Variants in PADI2 observed in about 807,000 individuals in gnomAD.
PADI2 encodes the protein protein-arginine deiminase type-2.
A neutral mutation model predicts 81.1 loss-of-function variants in PADI2; 70 were observed. That is an observed-to-expected ratio of 0.86 (90% CI 0.71 to 1.05). PADI2 has a LOEUF of 1.05. PADI2 is among the 50% of genes least tolerant of loss of function. The pLI, the probability that PADI2 is intolerant of heterozygous loss-of-function variation, is 0.00. For synonymous variants in PADI2, 338 were observed against 358.0 expected, an observed-to-expected ratio of 0.94 and a Z score of 0.63; for missense variants, 853 against 889.9, an observed-to-expected ratio of 0.96 and a Z score of 0.53.
rs1389487434 is a variant in PADI2, at chr1:17,092,447, T to C, written c.616A>G (p.Met206Val). 6.2e-7 allele frequency: 1 copy of C among 1,606,682 alleles called. No homozygotes were observed. Among genetic ancestry groups the C allele is most frequent in the Non-Finnish European group, 8.5e-7 (1 of 1,177,144 alleles). ...AGYEIVLYIS[M>V]SDSDKVGVFY... ...ACGCCCACTTTGTCTGAGTCTGACA[T>C]GGAAATGTACAGAACTATCTCGTAT... The change falls in exon 6 of 16, where the codon ATG becomes GTG. Residue 206 changes from methionine to valine, a missense_variant. Coordinates refer to ENST00000375486, the MANE Select transcript of PADI2 (RefSeq NM_007365.3).
chr1:17,099,315 T>C lies in PADI2; in HGVS notation c.350-3345A>G, dbSNP rs1931057159. 1.3e-5 allele frequency among the ~76,000 whole-genome samples: 2 copies of C among 152,124 alleles called. 1 individual carries two copies. Among genetic ancestry groups the C allele is most frequent in the South Asian group, 4.1e-4 (2 of 4,828 alleles). On this transcript the variant is annotated intron_variant, in intron 3 of 15. Coordinates refer to ENST00000375486, the MANE Select transcript of PADI2 (RefSeq NM_007365.3). ...TAGGATCAAGCCCCTTAGGTTGATGTTAAAATTTTCTGGGGCCCGCATATG... is the reference window on the plus strand; with the variant it reads ...TAGGATCAAGCCCCTTAGGTTGATGCTAAAATTTTCTGGGGCCCGCATATG...
intron 13 of PADI2, among the ~76,000 whole-genome samples, chr1:17,072,499 A>G (rs375239510): frequency 2.6e-5 from 4 of 152,198 alleles, no homozygotes; most frequent in African/African-American, 9.7e-5. Context: ...TTCCCCAAAC[A>G]TTGTGGGCTC....
chr1:17,085,728 A>G (rs977312102), intron 7 of PADI2, among the ~76,000 whole-genome samples: 2 of 152,220 alleles, frequency 1.3e-5, no homozygotes, highest in African/African-American at 4.8e-5. Context: ...GCCAGGGCTC[A>G]TTCTCATACA....
Position 17,071,450 on chromosome 1 carries a change from T to C in PADI2, c.1591A>G (p.Ile531Val). 4 of 1,614,090 alleles carry C rather than the reference T, an allele frequency of 2.5e-6. No individual in the cohort carries two copies. The highest frequency in any genetic ancestry group is 3.4e-6 in the Non-Finnish European group (4 of 1,179,938). Residue 531 changes from isoleucine to valine, a missense_variant, in exon 14 of 16, where the codon ATT becomes GTT. Ile to Val is a conservative substitution (Grantham distance 29). Coordinates refer to ENST00000375486, the MANE Select transcript of PADI2 (RefSeq NM_007365.3). ...TGCACAAGGCTCTCGTTGGACAGAA[T>C]CTTGTTGATGGTGATTCGCTTGCTG... Reference protein sequence around the residue: ...MSSKRITINKILSNESLVQEN... With the variant: ...MSSKRITINKVLSNESLVQEN...
chr1:17,088,313 C>G (rs964469639), intron 6 of PADI2, among the ~76,000 whole-genome samples: 2 of 152,116 alleles, frequency 1.3e-5, no homozygotes, highest in African/African-American at 4.8e-5. Flanking sequence ...CCCTGTAGAG[C>G]TGGAAGGGCA....
At chr1:17,093,406 CT>C (rs1203694557) in intron 5 of PADI2, among the ~76,000 whole-genome samples, 160 bp downstream of exon 5, 1 of 152,136 alleles carries the variant, frequency 6.6e-6, no homozygotes, top group African/African-American at 2.4e-5. Flanking sequence ...TGTCTATTTC[CT>C]ATGGTTTTGC....
At chr1:17,116,819 A>G (rs1931774959) in intron 1 of PADI2, among the ~76,000 whole-genome samples, 1 of 152,178 alleles carries the variant, frequency 6.6e-6, no homozygotes, top group Non-Finnish European at 1.5e-5. Context: ...CTAAGTGCCC[A>G]CTAATACCTC....
At chr1:17,106,329 C>T (rs1260763165) in intron 1 of PADI2, among the ~76,000 whole-genome samples, 1 of 152,184 alleles carries the variant, frequency 6.6e-6, no homozygotes, top group East Asian at 1.9e-4. Flanking sequence ...GAATGTTTGT[C>T]TCTCCCCAAA....
chr1:17,110,868 T>C (rs190245361), intron 1 of PADI2, among the ~76,000 whole-genome samples: 87 of 152,268 alleles, frequency 5.7e-4, no homozygotes, highest in African/African-American at 2.0e-3. Context: ...GTTTGTTTGT[T>C]TGTTTGTTTC....
At chr1:17,086,756 G>T in intron 6 of PADI2, 57 bp from the exon 7 acceptor site, 1 of 1,504,360 alleles carries the variant, frequency 6.6e-7, no homozygotes, top group Non-Finnish European at 9.2e-7. Flanking sequence ...AGGTCGGTGG[G>T]GTGGGATCAC....
chr1:17,104,712 C>T (rs1931294075), intron 2 of PADI2, among the ~76,000 whole-genome samples, 166 bp downstream of exon 2: 1 of 152,156 alleles, frequency 6.6e-6, no homozygotes, highest in South Asian at 2.1e-4. Context: ...GGATTACAGG[C>T]TTGAGCTACT....
At chr1:17,102,841 A>G in intron 3 of PADI2, 146 bp downstream of exon 3, 1 of 626,350 alleles carries the variant, frequency 1.6e-6, no homozygotes, top group Non-Finnish European at 2.9e-6. Flanking sequence ...GGCACATGTG[A>G]CATCCCTCCC....
At chr1:17,089,376 G>T (rs943189424) in intron 6 of PADI2, among the ~76,000 whole-genome samples, 1 of 152,196 alleles carries the variant, frequency 6.6e-6, no homozygotes, top group Non-Finnish European at 1.5e-5. Flanking sequence ...CAGGCCCCAG[G>T]CTGCACTTGA....
At chr1:17,093,283 A>T (rs889428765) in intron 5 of PADI2, among the ~76,000 whole-genome samples, 1 of 151,964 alleles carries the variant, frequency 6.6e-6, no homozygotes, top group Non-Finnish European at 1.5e-5. Context: ...TTTAGTAGAG[A>T]TGGGGTTTCA....
chr1:17,079,433 A>T lies in PADI2; in HGVS notation c.1159-18T>A. On this transcript the variant is annotated intron_variant, in intron 10 of 15. Transcript: ENST00000375486. The stretch of plus-strand genomic sequence containing the variant: ...TCTGGGCCCTAGGCAGAGGGCACAC[A>T]CCTGCGTTAGTCTTCTGCAGCCAGG... 1 of 1,606,994 alleles carries T rather than the reference A, an allele frequency of 6.2e-7. No individual in the cohort carries two copies. The highest frequency in any genetic ancestry group is 8.5e-7 in the Non-Finnish European group (1 of 1,175,192).
chr1:17,086,394 C>G (rs1402920892), intron 7 of PADI2, 127 bp downstream of exon 7: 11 of 740,902 alleles, frequency 1.5e-5, no homozygotes, highest in Non-Finnish European at 2.3e-5. Context: ...ATCGAGGTCT[C>G]CTAGCCTGGA....
At chr1:17,093,713 C>A (rs2101594702) in intron 4 of PADI2, 29 bp from the exon 5 acceptor site, 3 of 1,336,756 alleles carry the variant, frequency 2.2e-6, no homozygotes, top group Non-Finnish European at 3.2e-6. Context: ...AGGTCAGTGC[C>A]CTCTTCTCTA....
intron 5 of PADI2, 26 bp downstream of exon 5, chr1:17,093,541 C>A: frequency 7.1e-7 from 1 of 1,416,114 alleles, no homozygotes; most frequent in Non-Finnish European, 1.0e-6. Context: ...CTCATCCTGC[C>A]CCCCAAGTGC....
Position 17,116,345 on chromosome 1 carries a change from C to T in PADI2, c.92+2935G>A, listed in dbSNP as rs898931113. 2.0e-5 allele frequency among the ~76,000 whole-genome samples: 3 copies of T among 152,178 alleles called. No homozygotes were observed. In the East Asian group the frequency reaches 5.8e-4, roughly 29 times the overall value. Reference sequence around the variant, plus strand: ...GAGTGGGTGCTGAGGCCGTTTCGCTCACCTTTGCGACTCAGAAGGAGTGAG... The same window carrying T: ...GAGTGGGTGCTGAGGCCGTTTCGCTTACCTTTGCGACTCAGAAGGAGTGAG... On this transcript the variant is annotated intron_variant, in intron 1 of 15. Coordinates refer to ENST00000375486, the MANE Select transcript of PADI2 (RefSeq NM_007365.3).
Sources: allele counts gnomAD v4.1 joint callset (sites outside exome capture counted in the v4.1 genomes callset), GRCh38; gene constraint gnomAD v4.1.1; transcripts MANE v1.5; gene names NCBI Gene and HGNC (gene_info 2026-07-23, HGNC 2026-07-21).